Variants in PIBF1 observed in about 807,000 individuals in gnomAD.
PIBF1 encodes the protein progesterone-induced-blocking factor 1.
Under a neutral mutation model 112.5 loss-of-function variants are expected in PIBF1, and 90 were observed. That is an observed-to-expected ratio of 0.80 (90% confidence interval 0.67 to 0.95). The LOEUF is 0.95. Ranked by LOEUF, PIBF1 falls within the 40% of genes least tolerant of loss-of-function variation. PIBF1 has a pLI of 0.00. For missense variants in PIBF1, 915 were observed against 852.3 expected, an observed-to-expected ratio of 1.07 and a Z score of -0.92; for synonymous variants, 301 against 288.6, an observed-to-expected ratio of 1.04 and a Z score of -0.44.
At chr13:72,990,203 G>A (rs1341801606) in intron 16 of PIBF1, among the ~76,000 whole-genome samples, 14 of 100,024 alleles carry the variant, frequency 1.4e-4, no homozygotes, top group African/African-American at 5.6e-4. Context: ...AACAAAGCAA[G>A]ACTCTGTCTC....
intron 2 of PIBF1, among the ~76,000 whole-genome samples, chr13:72,785,260 T>C (rs990355734): frequency 6.6e-6 from 1 of 152,242 alleles, no homozygotes; most frequent in African/African-American, 2.4e-5. Flanking sequence ...CCCTTTCATT[T>C]TCTGTGCCTT....
intron 13 of PIBF1, among the ~76,000 whole-genome samples, chr13:72,921,839 A>C (rs1423451125): frequency 6.6e-6 from 1 of 152,228 alleles, no homozygotes; most frequent in East Asian, 1.9e-4. Context: ...TAAATTACAT[A>C]GTTAATTTTA....
chr13:72,976,525 T>C (rs960179572), intron 16 of PIBF1, among the ~76,000 whole-genome samples: 2 of 152,248 alleles, frequency 1.3e-5, no homozygotes, highest in Non-Finnish European at 2.9e-5. Flanking sequence ...TTTAATAATT[T>C]AACATTGTAT....
chr13:72,859,556 A>G (rs1280250150), intron 10 of PIBF1, among the ~76,000 whole-genome samples: 2 of 152,192 alleles, frequency 1.3e-5, no homozygotes, highest in African/African-American at 4.8e-5. Context: ...ATATAAAACA[A>G]TAACAACAAA....
At chr13:72,882,661 C>G (rs574440481) in intron 10 of PIBF1, among the ~76,000 whole-genome samples, 1 of 152,082 alleles carries the variant, frequency 6.6e-6, no homozygotes, top group Non-Finnish European at 1.5e-5. Flanking sequence ...AGAAGGCATA[C>G]GTATGGTAAA....
At chr13:72,846,818 A>T (rs1051463599) in intron 9 of PIBF1, among the ~76,000 whole-genome samples, 3 of 152,172 alleles carry the variant, frequency 2.0e-5, no homozygotes, top group Admixed American at 6.6e-5. Context: ...TCCTACTAGA[A>T]TGTGATCTCC....
At chr13:72,967,147 G>T (rs1162193851) in intron 15 of PIBF1, among the ~76,000 whole-genome samples, 1 of 151,944 alleles carries the variant, frequency 6.6e-6, no homozygotes, top group South Asian at 2.1e-4. Context: ...TGTTGGTCAG[G>T]CTGGTCTTGA....
At chr13:73,000,837 A>G (rs2043839987) in intron 17 of PIBF1, among the ~76,000 whole-genome samples, 1 of 152,226 alleles carries the variant, frequency 6.6e-6, no homozygotes, top group Non-Finnish European at 1.5e-5. Flanking sequence ...AGATTTCCCC[A>G]GTACCTCCAG....
At chr13:72,911,272 A>G (rs1240584251) in intron 12 of PIBF1, among the ~76,000 whole-genome samples, 1 of 152,218 alleles carries the variant, frequency 6.6e-6, no homozygotes, top group African/African-American at 2.4e-5. Context: ...AGGATAATAC[A>G]GTACTGGCTT....
At chr13:72,948,024 A>T (rs1486625101) in intron 14 of PIBF1, among the ~76,000 whole-genome samples, 1 of 152,108 alleles carries the variant, frequency 6.6e-6, no homozygotes, top group Admixed American at 6.5e-5. Context: ...TGGGAGTTAA[A>T]CAATGAGAAC....
intron 11 of PIBF1, among the ~76,000 whole-genome samples, chr13:72,898,101 A>C (rs80259853): frequency 0.012 from 1,807 of 152,300 alleles, 21 homozygotes; most frequent in Non-Finnish European, 0.02. Flanking sequence ...AATTGAAATT[A>C]TATCAAGCCC....
At chr13:72,897,531 T>G (rs1230096434) in intron 11 of PIBF1, among the ~76,000 whole-genome samples, 1 of 152,176 alleles carries the variant, frequency 6.6e-6, no homozygotes, top group African/African-American at 2.4e-5. Context: ...AACTACAGAA[T>G]GGATGAGAAC....
chr13:72,959,971 AT>A lies in PIBF1; in HGVS notation c.1834-5298del, dbSNP rs199931855. On this transcript the variant is annotated intron_variant, in intron 14 of 17. Coordinates refer to ENST00000326291, the MANE Select transcript of PIBF1 (RefSeq NM_006346.4). ...TAGTAATTATTATAGGTACAGAAAG[AT>A]TTTTGAAAACTCTATTGAAGGAATT... 9.4e-3 allele frequency among the ~76,000 whole-genome samples: 1,429 copies of A among 152,302 alleles called. 13 individuals are homozygous for A. The highest frequency in any genetic ancestry group is 0.015 in the Non-Finnish European group (1,033 of 68,028).
At chr13:72,975,149 G>A (rs533149766) in intron 16 of PIBF1, among the ~76,000 whole-genome samples, 4 of 150,138 alleles carry the variant, frequency 2.7e-5, no homozygotes, top group East Asian at 2.0e-4. Context: ...TCTGCCTTCC[G>A]AGTTCAAGCG....
intron 9 of PIBF1, among the ~76,000 whole-genome samples, chr13:72,838,780 A>G (rs2037470082): frequency 1.3e-5 from 2 of 152,158 alleles, no homozygotes. Flanking sequence ...TCAAATATAG[A>G]AGTACGGAGT....
chr13:72,904,959 T>C, intron 11 of PIBF1, among the ~76,000 whole-genome samples: 1 of 152,134 alleles, frequency 6.6e-6, no homozygotes, highest in East Asian at 1.9e-4. Context: ...GTTTTATTTC[T>C]ACTTTTTTGT....
At chr13:73,005,145 A>G (rs2043992755) in intron 17 of PIBF1, among the ~76,000 whole-genome samples, 1 of 152,178 alleles carries the variant, frequency 6.6e-6, no homozygotes, top group Non-Finnish European at 1.5e-5. Flanking sequence ...GTTGCACTCT[A>G]GCCTGGGCAA....
intron 13 of PIBF1, among the ~76,000 whole-genome samples, chr13:72,917,727 T>C (rs956649762): frequency 6.6e-6 from 1 of 152,214 alleles, no homozygotes; most frequent in Non-Finnish European, 1.5e-5. Context: ...ATCAAAAATA[T>C]TCGCGAAAAG....
intron 14 of PIBF1, among the ~76,000 whole-genome samples, chr13:72,946,455 A>T (rs189427119): frequency 6.6e-6 from 1 of 152,038 alleles, no homozygotes; most frequent in African/African-American, 2.4e-5. Flanking sequence ...GACCCTCCCA[A>T]ATCTCATGTC....
Sources: allele counts gnomAD v4.1 joint callset (sites outside exome capture counted in the v4.1 genomes callset), GRCh38; gene constraint gnomAD v4.1.1; transcripts MANE v1.5; gene names NCBI Gene and HGNC (gene_info 2026-07-23, HGNC 2026-07-21).